SLC17A9: variants seen among roughly 807,000 people sequenced by gnomAD.
The protein encoded by SLC17A9 is voltage-gated purine nucleotide uniporter SLC17A9.
Under a neutral mutation model 55.0 loss-of-function variants are expected in SLC17A9, and 49 were observed. That is an observed-to-expected ratio of 0.89 (90% CI 0.71 to 1.13). The LOEUF (loss-of-function observed/expected upper bound fraction) is 1.13. Among genes scored for constraint, SLC17A9 ranks in the 50% most tolerant of loss-of-function variants. SLC17A9 has a pLI of 0.00. For synonymous variants in SLC17A9, 256 were observed against 247.4 expected (o/e 1.03, Z -0.32); for missense variants, 526 against 569.3 (o/e 0.92, Z 0.77).
rs907305233 is a variant in SLC17A9, at chr20:62,958,848, G to A, written c.397+1268G>A. ...GGAGAGAGGCCACTCTCATGGTCAC[G>A]GGGTGTCACATGAGAACAAGGGCCC... On this transcript the variant is annotated intron_variant, in intron 3 of 12. Coordinates refer to ENST00000370351, the MANE Select transcript of SLC17A9 (RefSeq NM_022082.4). The surrounding 1 kb of genome is among the most constrained non-coding windows in gnomAD (Gnocchi z 4.1). Among the ~76,000 whole-genome samples the A allele has an allele frequency of 6.6e-6, 1 of 152,160 alleles. No homozygotes were observed. The highest frequency in any genetic ancestry group is 1.5e-5 in the Non-Finnish European group (1 of 68,024).
Position 62,965,168 on chromosome 20 carries a change from T to C in SLC17A9, c.945+2T>C, listed in dbSNP as rs758133904. ...ATCACGGTGCGGAAGCTCATGCAGG[T>C]AGGAGAATCATTCCGGTCGTTCTCT... is the stretch of plus-strand genomic sequence containing the variant. On this transcript the variant is annotated splice_donor_variant, in intron 9 of 12. Coordinates refer to ENST00000370351, the MANE Select transcript of SLC17A9 (RefSeq NM_022082.4). LOFTEE classifies it high-confidence loss of function. 1.2e-6 allele frequency: 2 copies of C among 1,614,088 alleles called. No homozygotes were observed. Among genetic ancestry groups the C allele is most frequent in the Admixed American group, 1.7e-5 (1 of 60,026 alleles).
In SLC17A9 at chr20:62,956,823, G is replaced by A. The variant is rs780959526; in HGVS notation, c.118G>A (p.Ala40Thr). 20 of 1,612,962 alleles carry A rather than the reference G, an allele frequency of 1.2e-5. No homozygotes were observed. Among genetic ancestry groups the A allele is most frequent in the South Asian group, 7.7e-5 (7 of 91,054 alleles). Residue 40 changes from alanine to threonine, a missense_variant, in exon 2 of 13, where the codon GCC (alanine) becomes ACC (threonine). Transcript: ENST00000370351. ...GCTGGGCACATGCCTTCTGTACTGC[G>A]CCCGCTCCAGCATGCCCATCTGCAC... The part of the protein sequence containing the change: ...LLLGTCLLYC[A>T]RSSMPICTVS...
Position 62,963,325 on chromosome 20 carries a change from C to T in SLC17A9, c.681C>T (p.His227=), listed in dbSNP as rs1643043899. 7 of 1,613,766 alleles carry T rather than the reference C, an allele frequency of 4.3e-6. No homozygotes were observed. In the Admixed American group the frequency reaches 1.0e-4, roughly 23 times the overall value. The change falls in exon 6 of 13, where the codon CAC becomes CAT. Residue 227 remains histidine (H), a synonymous_variant. Transcript: ENST00000370351. The part of the protein sequence containing the change: ...VLAQSRPVSR[H]NRVPWRRLFR... ...CCCAAAGCCGGCCGGTGTCCAGGCACAACAGAGTCCCCTGGAGACGGCTCT... is the reference window on the plus strand; with the variant it reads ...CCCAAAGCCGGCCGGTGTCCAGGCATAACAGAGTCCCCTGGAGACGGCTCT...
At chr20:62,955,095 C>G (rs1341470858) in intron 1 of SLC17A9, among the ~76,000 whole-genome samples, 2 of 152,018 alleles carry the variant, frequency 1.3e-5, no homozygotes, top group African/African-American at 4.8e-5. Flanking sequence ...CAGCTGGGAC[C>G]ACAGGTGCAC....
chr20:62,952,923 C>T (rs1409124128), intron 1 of SLC17A9, 34 bp downstream of exon 1: 12 of 1,379,348 alleles, frequency 8.7e-6, no homozygotes, highest in South Asian at 2.8e-5. Context: ...GGGGTGGGAG[C>T]GGTGGAGATG....
chr20:62,956,816 G>A lies in SLC17A9; in HGVS notation c.111G>A (p.Leu37=). 1.2e-6 allele frequency: 2 copies of A among 1,613,056 alleles called. No individual in the cohort carries two copies. The highest frequency in any genetic ancestry group is 1.7e-6 in the Non-Finnish European group (2 of 1,179,942). The stretch of plus-strand genomic sequence containing the variant: ...CGCTGCTGCTGGGCACATGCCTTCT[G>A]TACTGCGCCCGCTCCAGCATGCCCA... ...TGTLLLGTCL[L]YCARSSMPIC... Residue 37 remains leucine (L), a synonymous_variant, in exon 2 of 13, where the codon CTG becomes CTA. Coordinates refer to ENST00000370351, the MANE Select transcript of SLC17A9 (RefSeq NM_022082.4).
rs755981096 is a variant in SLC17A9 at position 62,963,335 on chromosome 20, C to G, written c.691C>G (p.Pro231Ala). Reference sequence around the variant, plus strand: ...GCCGGTGTCCAGGCACAACAGAGTCCCCTGGAGACGGCTCTTCCGGAAGCC... The same window carrying G: ...GCCGGTGTCCAGGCACAACAGAGTCGCCTGGAGACGGCTCTTCCGGAAGCC... Reference protein sequence around the residue: ...SRPVSRHNRVPWRRLFRKPAV... With the variant: ...SRPVSRHNRVAWRRLFRKPAV... Residue 231 changes from proline (P) to alanine (A), a missense_variant, in exon 6 of 13, where the codon CCC becomes GCC. Transcript: ENST00000370351. 1 of 1,613,760 alleles carries G rather than the reference C, an allele frequency of 6.2e-7. No homozygotes were observed. Among genetic ancestry groups the G allele is most frequent in the South Asian group, 1.1e-5 (1 of 91,080 alleles).
At chr20:62,960,008 C>T (rs1285174769) in intron 3 of SLC17A9, among the ~76,000 whole-genome samples, 1 of 152,236 alleles carries the variant, frequency 6.6e-6, no homozygotes, top group Non-Finnish European at 1.5e-5. Context: ...CAGGGAAGGG[C>T]AGCTTTCTTG....
In SLC17A9 at chr20:62,952,826, G is replaced by A. The variant is rs1160515499; in HGVS notation, c.-5G>A. On this transcript the variant is annotated 5_prime_UTR_variant, in exon 1 of 13. Transcript: ENST00000370351. ...TGCCCACGCCGTCTGAGCACCCCAA[G>A]CCCGATGCAGCCACCCCCAGACGAG... The A allele has an allele frequency of 7.0e-7, 1 of 1,433,436 alleles. No individual in the cohort carries two copies. The highest frequency in any genetic ancestry group is 9.2e-7 in the Non-Finnish European group (1 of 1,082,180). The allele number at this position is 1,433,436 out of a possible 1,614,324, so 88.8% of individuals were successfully genotyped here. A position where few individuals can be genotyped will look rare whatever the true frequency, so the allele number is the denominator to read the frequency against.
chr20:62,962,801 G>T lies in SLC17A9; in HGVS notation c.628+47G>T, dbSNP rs750150684. On this transcript the variant is annotated intron_variant, in intron 5 of 12. Transcript: ENST00000370351. The surrounding 1 kb of genome is among the most constrained non-coding windows in gnomAD (Gnocchi z 5.5). Reference sequence around the variant, plus strand: ...AGTCCCGGGCGCCCACAGCTGCCCAGTGCCTCCTCCCCTGGTGGCAGCCGC... The same window carrying T: ...AGTCCCGGGCGCCCACAGCTGCCCATTGCCTCCTCCCCTGGTGGCAGCCGC... 1.2e-6 allele frequency: 2 copies of T among 1,605,836 alleles called. No individual in the cohort carries two copies. Among genetic ancestry groups the T allele is most frequent in the Non-Finnish European group, 1.7e-6 (2 of 1,175,302 alleles).
At position 62,963,616 on chromosome 20, in the gene SLC17A9, G is replaced by A. The variant is rs1007370448; in HGVS notation, c.758G>A (p.Cys253Tyr). ...GTCGTCTCCCAGCTCTCTGCAGCCT[G>A]CTCCTTCTTCATCCTCCTCTCCTGG... Reference protein sequence around the residue: ...AAVVSQLSAACSFFILLSWLP... With the variant: ...AAVVSQLSAAYSFFILLSWLP... Residue 253 changes from cysteine to tyrosine, a missense_variant, in exon 7 of 13, where the codon TGC (cysteine) becomes TAC (tyrosine). Physicochemically the swap from Cys to Tyr is radical, Grantham distance 194 (BLOSUM62 -2). Coordinates refer to ENST00000370351, the MANE Select transcript of SLC17A9 (RefSeq NM_022082.4). 3.1e-6 allele frequency: 5 copies of A among 1,602,724 alleles called. No homozygotes were observed. Among genetic ancestry groups the A allele is most frequent in the Middle Eastern group, 1.7e-4 (1 of 6,052 alleles).
intron 4 of SLC17A9, among the ~76,000 whole-genome samples, chr20:62,961,472 T>G (rs960995317): frequency 6.6e-6 from 1 of 152,174 alleles, no homozygotes; most frequent in Non-Finnish European, 1.5e-5. Context: ...CTAGCGATGC[T>G]GGCGGCCTGG....
chr20:62,956,988 T>C (rs1360577668), intron 2 of SLC17A9, 26 bp downstream of exon 2: 1 of 1,612,654 alleles, frequency 6.2e-7, no homozygotes. Flanking sequence ...CCCCATCTCC[T>C]GGCTGGTGGG....
At chr20:62,963,115 G>A in intron 5 of SLC17A9, 158 bp from the exon 6 acceptor site, 1 of 752,416 alleles carries the variant, frequency 1.3e-6, no homozygotes, top group Non-Finnish European at 2.2e-6. Context: ...TTAGGTGTCT[G>A]GTAGGGGAGG....
chr20:62,965,003 G>T, intron 8 of SLC17A9, 129 bp from the exon 9 acceptor site: 1 of 1,077,926 alleles, frequency 9.3e-7, no homozygotes, highest in Non-Finnish European at 1.4e-6. Context: ...TGCAGCACGG[G>T]ATAGCTGTCT....
rs2065599378 is a variant in SLC17A9 at position 62,962,706 on chromosome 20, A to G, written c.580A>G (p.Thr194Ala). The change falls in exon 5 of 13, where the codon ACC (threonine) becomes GCC (alanine). Residue 194 changes from threonine to alanine, a missense_variant. Transcript: ENST00000370351. This position sits in a 1 kb window ranked among gnomAD's most constrained non-coding sequence, Gnocchi z 5.5. ...QSIFYFSGGL[T>A]LLWVWYVYRY... ...CATCTTCTATTTCTCCGGCGGCCTCACCTTGCTTTGGGTGTGGTACGTGTA... is the reference window on the plus strand; with the variant it reads ...CATCTTCTATTTCTCCGGCGGCCTCGCCTTGCTTTGGGTGTGGTACGTGTA... 6.2e-7 allele frequency: 1 copy of G among 1,613,998 alleles called. No homozygotes were observed. The highest frequency in any genetic ancestry group is 8.5e-7 in the Non-Finnish European group (1 of 1,179,932).
At position 62,967,555 on chromosome 20, in the gene SLC17A9, G is replaced by A; in HGVS notation, c.*55G>A. 3 of 1,575,942 alleles carry A rather than the reference G, an allele frequency of 1.9e-6. No homozygotes were observed. The highest frequency in any genetic ancestry group is 2.3e-5 in the South Asian group (2 of 86,820). Reference sequence around the variant, plus strand: ...CAGGCGCCAGCAGCCCCAGGACACAGGGGACTCAGTGTGTGGGACTTGGTC... The same window carrying A: ...CAGGCGCCAGCAGCCCCAGGACACAAGGGACTCAGTGTGTGGGACTTGGTC... On this transcript the variant is annotated 3_prime_UTR_variant, in exon 13 of 13. Transcript: ENST00000370351.
chr20:62,957,986 G>A (rs76371883), intron 3 of SLC17A9, among the ~76,000 whole-genome samples: 2,301 of 152,266 alleles, frequency 0.015, 20 homozygotes, highest in South Asian at 0.026. Context: ...GTGCTTGTGC[G>A]TGTGCGTACG....
intron 10 of SLC17A9, 83 bp from the exon 11 acceptor site, chr20:62,966,442 C>T: frequency 6.7e-7 from 1 of 1,491,454 alleles, no homozygotes; most frequent in Non-Finnish European, 9.2e-7. Context: ...CGAGACCTTG[C>T]TTCCCCGCTT....
Sources: allele counts gnomAD v4.1 joint callset (sites outside exome capture counted in the v4.1 genomes callset), GRCh38; gene constraint gnomAD v4.1.1; non-coding constraint Gnocchi (gnomAD v3.1); transcripts MANE v1.5; gene names NCBI Gene and HGNC (gene_info 2026-07-23, HGNC 2026-07-21).